GABRA2: variants seen among roughly 807,000 people sequenced by gnomAD.
GABRA2 encodes gamma-aminobutyric acid type A receptor subunit alpha2, also known as gamma-aminobutyric acid receptor subunit alpha-2.
GABRA2 carries 16 observed loss-of-function variants against 48.7 expected under a neutral mutation model. The ratio of observed to expected loss-of-function variants is 0.33; its 90% CI spans 0.22 to 0.50. The LOEUF (loss-of-function observed/expected upper bound fraction) is 0.50, where lower values mean the gene tolerates loss of function less well. Among genes scored for constraint, GABRA2 ranks in the 20% least tolerant of loss-of-function variants. The pLI, the probability that GABRA2 is intolerant of heterozygous loss-of-function variation, is 0.98. For synonymous variants in GABRA2, 185 were observed against 184.5 expected, an observed-to-expected ratio of 1.00 and a Z score of -0.02; for missense variants, 275 against 535.6, an observed-to-expected ratio of 0.51 and a Z score of 4.80.
intron 3 of GABRA2, among the ~76,000 whole-genome samples, chr4:46,373,608 T>A (rs547857849): frequency 1.3e-5 from 2 of 152,290 alleles, no homozygotes; most frequent in South Asian, 4.2e-4. Flanking sequence ...AACTCTATAA[T>A]TGCCACTAAG....
At chr4:46,255,775 A>C (rs1279468515) in intron 9 of GABRA2, among the ~76,000 whole-genome samples, 1 of 151,580 alleles carries the variant, frequency 6.6e-6, no homozygotes, top group Non-Finnish European at 1.5e-5. Context: ...CAGAAATTAA[A>C]ATGTCTTACA....
chr4:46,248,391 T>C lies in GABRA2; in HGVS notation c.*1917A>G, dbSNP rs1714106238. On this transcript the variant is annotated 3_prime_UTR_variant, in exon 10 of 10. Coordinates refer to ENST00000381620, the MANE Select transcript of GABRA2 (RefSeq NM_000807.4). The stretch of plus-strand genomic sequence containing the variant: ...TTCAATGTATGAATAAAGTGCACAT[T>C]TTAAAACTAGGTGACAAAGAAAGTG... 6.6e-6 allele frequency: 1 copy of C among 151,408 alleles called. No individual in the cohort carries two copies. The allele number at this position is 151,408 out of a possible 1,614,324, so 9.4% of individuals were successfully genotyped here.
chr4:46,262,390 CT>C (rs1432526748), intron 8 of GABRA2, among the ~76,000 whole-genome samples: 1 of 152,058 alleles, frequency 6.6e-6, no homozygotes, highest in Non-Finnish European at 1.5e-5. Context: ...CAACTTCCTT[CT>C]TCTTAAGTAC....
chr4:46,292,960 T>C (rs1436511785), intron 8 of GABRA2, among the ~76,000 whole-genome samples: 1 of 152,064 alleles, frequency 6.6e-6, no homozygotes, highest in Non-Finnish European at 1.5e-5. Context: ...ATGGGAATAA[T>C]TGGATCCCAA....
chr4:46,259,239 G>C (rs548914144), intron 9 of GABRA2, among the ~76,000 whole-genome samples: 1 of 151,838 alleles, frequency 6.6e-6, no homozygotes, highest in Non-Finnish European at 1.5e-5. Flanking sequence ...TATGAAAAAG[G>C]GTTCCATAAG....
chr4:46,254,228 G>A (rs188561115), intron 9 of GABRA2, among the ~76,000 whole-genome samples: 64 of 151,500 alleles, frequency 4.2e-4, no homozygotes, highest in African/African-American at 1.5e-3. Context: ...ATATCATGCA[G>A]GCTTTGGATC....
intron 4 of GABRA2, among the ~76,000 whole-genome samples, chr4:46,323,197 A>G (rs1215470942): frequency 1.3e-5 from 2 of 151,906 alleles, no homozygotes; most frequent in Non-Finnish European, 2.9e-5. Flanking sequence ...CGGGGTCACT[A>G]TGGTCTTCTT....
chr4:46,310,900 T>C (rs923588489), intron 5 of GABRA2, among the ~76,000 whole-genome samples: 1 of 152,092 alleles, frequency 6.6e-6, no homozygotes, highest in Admixed American at 6.6e-5. Context: ...TCATAGAAAA[T>C]TTGATATAAT....
chr4:46,337,650 C>CAAAAAAAA (rs71652880), intron 3 of GABRA2, among the ~76,000 whole-genome samples: 1 of 107,700 alleles, frequency 9.3e-6, no homozygotes, highest in Admixed American at 9.6e-5. Flanking sequence ...TTGTTAAGAC[C>CAAAAAAAA]AAAAAAAAAA....
intron 3 of GABRA2, among the ~76,000 whole-genome samples, chr4:46,333,602 T>G (rs1731731987): frequency 6.6e-6 from 1 of 152,074 alleles, no homozygotes; most frequent in Non-Finnish European, 1.5e-5. Context: ...TAGAGTAAAC[T>G]ATGTCTGGGA....
chr4:46,389,472 G>A, intron 1 of GABRA2: 1 of 880,688 alleles, frequency 1.1e-6, no homozygotes, highest in African/African-American at 1.8e-5. Flanking sequence ...TAATCACAGT[G>A]AGCAAAGTTG....
chr4:46,370,617 C>T (rs1387541220), intron 3 of GABRA2, among the ~76,000 whole-genome samples: 1 of 152,086 alleles, frequency 6.6e-6, no homozygotes, highest in Non-Finnish European at 1.5e-5. Context: ...CCAGTCACTT[C>T]CTAATCAAAC....
At chr4:46,358,243 T>G (rs1016321578) in intron 3 of GABRA2, among the ~76,000 whole-genome samples, 6 of 152,200 alleles carry the variant, frequency 3.9e-5, no homozygotes, top group African/African-American at 1.4e-4. Context: ...TGTCCCATGA[T>G]GCAATGATGA....
chr4:46,284,220 T>A (rs1236638615), intron 8 of GABRA2, among the ~76,000 whole-genome samples: 1 of 152,010 alleles, frequency 6.6e-6, no homozygotes, highest in East Asian at 1.9e-4. Flanking sequence ...CACAATTATG[T>A]TTTTTATATA....
chr4:46,281,595 G>A (rs1721547457), intron 8 of GABRA2, among the ~76,000 whole-genome samples: 1 of 152,184 alleles, frequency 6.6e-6, no homozygotes, highest in African/African-American at 2.4e-5. Context: ...GATATGTCAA[G>A]TAAATTGGCC....
intron 9 of GABRA2, among the ~76,000 whole-genome samples, chr4:46,260,344 G>T (rs979647238): frequency 6.6e-6 from 1 of 151,820 alleles, no homozygotes; most frequent in Non-Finnish European, 1.5e-5. Context: ...TGTGTAATTT[G>T]GCATATGGAT....
chr4:46,384,868 A>G (rs1717233048), intron 3 of GABRA2, among the ~76,000 whole-genome samples: 1 of 152,012 alleles, frequency 6.6e-6, no homozygotes, highest in Admixed American at 6.6e-5. Flanking sequence ...AACTGAGCAT[A>G]TATTAAACAA....
chr4:46,289,415 G>A (rs1480001422), intron 8 of GABRA2, among the ~76,000 whole-genome samples: 1 of 152,154 alleles, frequency 6.6e-6, no homozygotes, highest in African/African-American at 2.4e-5. Flanking sequence ...GGGTGGATCT[G>A]GAGGTCATTA....
Position 46,312,534 on chromosome 4 carries a change from A to T in GABRA2, c.438T>A (p.Leu146=). 1 of 1,607,566 alleles carries T rather than the reference A, an allele frequency of 6.2e-7. No homozygotes were observed. The highest frequency in any genetic ancestry group is 8.5e-7 in the Non-Finnish European group (1 of 1,177,660). ...GCAGAGTCCCATCATCCTGAATTCG[A>T]AGCAACTTATTTGGCATTGTCATAT... ...AHNMTMPNKL[L]RIQDDGTLLY... is the part of the protein sequence containing the mutation. The change falls in exon 5 of 10, where the codon CTT becomes CTA. Residue 146 remains leucine, a synonymous_variant. Coordinates refer to ENST00000381620, the MANE Select transcript of GABRA2 (RefSeq NM_000807.4).
Sources: gnomAD v4.1 joint callset for allele counts (sites outside exome capture counted in the v4.1 genomes callset) on GRCh38, gnomAD v4.1.1 for gene constraint, MANE v1.5 for transcripts, NCBI Gene and HGNC (gene_info 2026-07-23, HGNC 2026-07-21) for gene names.